The following RICTOR variants were observed in gnomAD, a reference collection of about 807,000 sequenced individuals.
RICTOR encodes the protein rapamycin-insensitive companion of mTOR.
Under a neutral mutation model 214.9 loss-of-function variants are expected in RICTOR, and 49 were observed. That is an observed-to-expected ratio of 0.23 (90% confidence interval 0.18 to 0.29). The LOEUF is 0.29. Among genes scored for constraint, RICTOR ranks in the 10% least tolerant of loss-of-function variants. The pLI is 1.00. For synonymous variants in RICTOR, 717 were observed against 711.3 expected (o/e 1.01, Z -0.13); for missense variants, 1,625 against 2,047.0 (o/e 0.79, Z 3.98).
intron 4 of RICTOR, 89 bp downstream of exon 4, chr5:39,003,469 C>T: frequency 1.3e-6 from 1 of 789,808 alleles, no homozygotes; most frequent in Non-Finnish European, 2.1e-6. Flanking sequence ...ATATGAGGTG[C>T]TGTATTATTC....
chr5:39,044,558 A>G (rs1221172603), intron 2 of RICTOR, among the ~76,000 whole-genome samples: 1 of 152,198 alleles, frequency 6.6e-6, no homozygotes, highest in South Asian at 2.1e-4. Flanking sequence ...TCTACTTCCC[A>G]AACTCTGAGC....
At chr5:38,943,684 A>G (rs1747850465) in intron 36 of RICTOR, among the ~76,000 whole-genome samples, 1 of 152,072 alleles carries the variant, frequency 6.6e-6, no homozygotes, top group African/African-American at 2.4e-5. Flanking sequence ...GTGGTGGTAC[A>G]CACCTGTAAT....
intron 2 of RICTOR, among the ~76,000 whole-genome samples, chr5:39,047,869 T>A (rs1757601251): frequency 6.6e-6 from 1 of 152,190 alleles, no homozygotes. Flanking sequence ...ACTAAGTTAT[T>A]GAAACTGTTA....
In RICTOR at chr5:38,959,994, T is replaced by C. The variant is rs200819639; in HGVS notation, c.1852-16A>G. 11 of 1,490,362 alleles carry C rather than the reference T, an allele frequency of 7.4e-6. No homozygotes were observed. The highest frequency in any genetic ancestry group is 3.4e-5 in the South Asian group (3 of 88,308). The allele number at this position is 1,490,362 out of a possible 1,614,324, so 92.3% of individuals were successfully genotyped here. ...CTTGCCCATCCTAAAAGTAAATACA[T>C]TGTGATATTGTGAGAAAAGCATTCA... On this transcript the variant is annotated splice_polypyrimidine_tract_variant and intron_variant, in intron 20 of 37. Coordinates refer to ENST00000357387, the MANE Select transcript of RICTOR (RefSeq NM_152756.5).
chr5:39,013,271 C>T (rs903937563), intron 3 of RICTOR, among the ~76,000 whole-genome samples: 3 of 152,028 alleles, frequency 2.0e-5, no homozygotes, highest in Middle Eastern at 3.2e-3. Context: ...AAAAGCAAAA[C>T]AAATACTATT....
chr5:38,987,794 T>C (rs916891719), intron 7 of RICTOR, among the ~76,000 whole-genome samples: 11 of 152,142 alleles, frequency 7.2e-5, no homozygotes, highest in Admixed American at 3.9e-4. Context: ...TTAATTGTAA[T>C]GTTAGGGTGT....
Position 38,978,655 on chromosome 5 carries a change from TTA to T in RICTOR, c.754-7_754-6del. 1 of 1,453,072 alleles carries T rather than the reference TTA, an allele frequency of 6.9e-7. No homozygotes were observed. The highest frequency in any genetic ancestry group is 9.5e-7 in the Non-Finnish European group (1 of 1,051,510). 90.0% of individuals were successfully genotyped at this position (1,453,072 alleles called of 1,614,324 possible). A position where few individuals can be genotyped will look rare whatever the true frequency, so the allele number is the denominator to read the frequency against. On this transcript the variant is annotated splice_polypyrimidine_tract_variant and splice_region_variant and intron_variant, in intron 8 of 37. Coordinates refer to ENST00000357387, the MANE Select transcript of RICTOR (RefSeq NM_152756.5). ...AGTATAGGGTGCTAAAATTCTCTATTTAAAAAAAAAAAGGAAGAAAAGAGTCT... is the reference window on the plus strand; with the variant it reads ...AGTATAGGGTGCTAAAATTCTCTATTAAAAAAAAAAGGAAGAAAAGAGTCT...
intron 33 of RICTOR, among the ~76,000 whole-genome samples, chr5:38,945,974 G>A (rs955260730): frequency 5.3e-5 from 8 of 151,946 alleles, no homozygotes; most frequent in Admixed American, 3.9e-4. Flanking sequence ...TTCAATTATC[G>A]TCAATATTTG....
In RICTOR at chr5:38,941,880, A is replaced by G. The variant is rs1747607528; in HGVS notation, c.*424T>C. The G allele has an allele frequency of 8.6e-6, 2 of 233,808 alleles. No individual in the cohort carries two copies. The highest frequency in any genetic ancestry group is 1.8e-4 in the South Asian group (1 of 5,534). The allele number at this position is 233,808 out of a possible 1,614,324, so 14.5% of individuals were successfully genotyped here. On this transcript the variant is annotated 3_prime_UTR_variant, in exon 38 of 38. Transcript: ENST00000357387. ...TTAGAGACACTGATTCCTGCTTTCC[A>G]CAAGTTAGTTAACAAACAAGGCATC...
At chr5:38,945,838 A>G in intron 33 of RICTOR, 114 bp from the exon 34 acceptor site, 1 of 543,676 alleles carries the variant, frequency 1.8e-6, no homozygotes, top group Non-Finnish European at 3.2e-6. Context: ...TCAAAATCTA[A>G]CTGGAAAGAA....
chr5:38,978,665 A>G lies in RICTOR; in HGVS notation c.754-15T>C, dbSNP rs755412706. 4 of 1,296,134 alleles carry G rather than the reference A, an allele frequency of 3.1e-6. No homozygotes were observed. The East Asian group carries it at 9.3e-5, about 30-fold the overall frequency. 80.3% of individuals were successfully genotyped at this position (1,296,134 alleles called of 1,614,324 possible). Reference sequence around the variant, plus strand: ...GCTAAAATTCTCTATTTAAAAAAAAAAAGGAAGAAAAGAGTCTTTATTTTA... The same window carrying G: ...GCTAAAATTCTCTATTTAAAAAAAAGAAGGAAGAAAAGAGTCTTTATTTTA... On this transcript the variant is annotated splice_polypyrimidine_tract_variant and intron_variant, in intron 8 of 37. Coordinates refer to ENST00000357387, the MANE Select transcript of RICTOR (RefSeq NM_152756.5).
intron 2 of RICTOR, among the ~76,000 whole-genome samples, chr5:39,070,551 C>T (rs1347785648): frequency 2.6e-5 from 4 of 151,914 alleles, no homozygotes; most frequent in Admixed American, 2.0e-4. Context: ...TATTAGACAG[C>T]AACCAAGAGA....
At chr5:38,973,478 T>C (rs1750954373) in intron 10 of RICTOR, among the ~76,000 whole-genome samples, 2 of 152,162 alleles carry the variant, frequency 1.3e-5, no homozygotes, top group South Asian at 2.1e-4. Flanking sequence ...TGGAAGTATA[T>C]GGGTGTTCAC....
chr5:39,021,661 T>TCCA (rs1252411174), intron 2 of RICTOR, among the ~76,000 whole-genome samples: 2 of 152,066 alleles, frequency 1.3e-5, no homozygotes, highest in African/African-American at 4.8e-5. Flanking sequence ...CTCTTGACCT[T>TCCA]CCAGCATGGG....
intron 16 of RICTOR, among the ~76,000 whole-genome samples, chr5:38,963,782 C>T (rs978582626): frequency 9.2e-5 from 14 of 151,768 alleles, no homozygotes; most frequent in Non-Finnish European, 1.6e-4. Context: ...TAATCTAACC[C>T]AGAGTTTAGG....
chr5:39,012,242 T>A lies in RICTOR; in HGVS notation c.196-8620A>T, dbSNP rs78287139. On this transcript the variant is annotated intron_variant, in intron 3 of 37. Coordinates refer to ENST00000357387, the MANE Select transcript of RICTOR (RefSeq NM_152756.5). ...CTTAAAAAGTCCTCTGAGAGAACTA[T>A]CAGTGGTTTTATAAGGAGCTGCCTT... 7.2e-5 allele frequency among the ~76,000 whole-genome samples: 11 copies of A among 152,260 alleles called. No homozygotes were observed. The East Asian group carries it at 2.1e-3, about 29-fold the overall frequency.
At chr5:39,055,805 G>C (rs1037754005) in intron 2 of RICTOR, among the ~76,000 whole-genome samples, 1 of 152,190 alleles carries the variant, frequency 6.6e-6, no homozygotes, top group Admixed American at 6.5e-5. Context: ...AACAGAACTA[G>C]AACAGGGAGA....
chr5:38,993,359 T>C (rs1752928099), intron 6 of RICTOR, among the ~76,000 whole-genome samples: 2 of 152,084 alleles, frequency 1.3e-5, no homozygotes, highest in South Asian at 2.1e-4. Flanking sequence ...GAGTAGAATT[T>C]AAATAAGATT....
intron 3 of RICTOR, among the ~76,000 whole-genome samples, chr5:39,015,112 TAATAA>T (rs1051233261): frequency 3.9e-5 from 6 of 152,098 alleles, no homozygotes; most frequent in Non-Finnish European, 2.9e-5. Context: ...CCACAATAAA[TAATAA>T]AATAGATAAA....
Sources: gnomAD v4.1 joint callset for allele counts (sites outside exome capture counted in the v4.1 genomes callset) on GRCh38, gnomAD v4.1.1 for gene constraint, MANE v1.5 for transcripts, NCBI Gene and HGNC (gene_info 2026-07-23, HGNC 2026-07-21) for gene names.